Variants in MARCHF11 observed in about 807,000 individuals in gnomAD.
MARCHF11 encodes E3 ubiquitin-protein ligase MARCHF11.
In MARCHF11, 29 loss-of-function variants were observed where a neutral mutation model predicts 37.3. The observed-to-expected ratio is 0.78, with a 90% CI of 0.58 to 1.06. The LOEUF (loss-of-function observed/expected upper bound fraction) is 1.06. MARCHF11 is among the 50% of genes least tolerant of loss of function. MARCHF11 has a pLI of 0.00. For synonymous variants in MARCHF11, 233 were observed against 228.0 expected, an observed-to-expected ratio of 1.02 and a Z score of -0.20; for missense variants, 482 against 533.4, an observed-to-expected ratio of 0.90 and a Z score of 0.95.
Position 16,179,320 on chromosome 5 carries a change from GC to G in MARCHF11, c.255del (p.Leu87CysfsTer97). On this transcript the variant is annotated frameshift_variant, in exon 1 of 4. Coordinates refer to ENST00000332432, the MANE Select transcript of MARCHF11 (RefSeq NM_001102562.3). LOFTEE classifies it high-confidence loss of function. ...RCRGADELPPPPLPLQPAGQE... is the reference protein window; with the variant it reads ...RCRGADELPPXPLPLQPAGQE... ...TGGCCGGCGGGCTGCAGGGGCAGGG[GC>G]GGAGGCGGCAGCTCGTCCGCTCCCC... 8.1e-7 allele frequency: 1 copy of G among 1,238,302 alleles called. No homozygotes were observed. The highest frequency in any genetic ancestry group is 1.0e-6 in the Non-Finnish European group (1 of 991,256). 76.7% of individuals were successfully genotyped at this position (1,238,302 alleles called of 1,614,324 possible). A position where few individuals can be genotyped will look rare whatever the true frequency, so the allele number is the denominator to read the frequency against.
chr5:16,139,895 T>C (rs1737673365), intron 2 of MARCHF11, among the ~76,000 whole-genome samples: 1 of 152,146 alleles, frequency 6.6e-6, no homozygotes, highest in Admixed American at 6.5e-5. Context: ...CTCTACAAAT[T>C]TTTATGGGAT....
chr5:16,126,249 TAGAA>T (rs1236851452), intron 2 of MARCHF11, among the ~76,000 whole-genome samples: 2 of 152,160 alleles, frequency 1.3e-5, no homozygotes, highest in Admixed American at 1.3e-4. Context: ...TCATCTGACA[TAGAA>T]AGAAAGGAAA....
At chr5:16,078,324 G>A (rs374538174) in intron 3 of MARCHF11, among the ~76,000 whole-genome samples, 2 of 152,270 alleles carry the variant, frequency 1.3e-5, no homozygotes, top group African/African-American at 4.8e-5. Context: ...AATTAAGTGG[G>A]AAAATCGAGG....
At chr5:16,093,309 G>A (rs1560972518) in intron 2 of MARCHF11, among the ~76,000 whole-genome samples, 1 of 152,102 alleles carries the variant, frequency 6.6e-6, no homozygotes, top group Admixed American at 6.5e-5. Context: ...TAATCTTAGG[G>A]GAGTAAATTT....
At chr5:16,103,111 G>A (rs1024923060) in intron 2 of MARCHF11, among the ~76,000 whole-genome samples, 68 of 135,636 alleles carry the variant, frequency 5.0e-4, no homozygotes, top group South Asian at 1.4e-3. Context: ...TGCCCAGGCA[G>A]AAAAAAAAAA....
At chr5:16,077,180 G>T (rs113003185) in intron 3 of MARCHF11, among the ~76,000 whole-genome samples, 39 of 152,168 alleles carry the variant, frequency 2.6e-4, no homozygotes, top group African/African-American at 8.7e-4. Context: ...GAATTGCTTT[G>T]GTAGATTTCC....
intron 2 of MARCHF11, among the ~76,000 whole-genome samples, chr5:16,128,180 A>G (rs1737448979): frequency 6.6e-6 from 1 of 152,140 alleles, no homozygotes; most frequent in Non-Finnish European, 1.5e-5. Context: ...GAAATTTCAC[A>G]ACACAAGGTA....
chr5:16,156,828 T>C lies in MARCHF11; in HGVS notation c.693+20898A>G, dbSNP rs530930108. Among the ~76,000 whole-genome samples, 12 of 152,032 alleles carry C rather than the reference T, an allele frequency of 7.9e-5. No homozygotes were observed. In the South Asian group the frequency reaches 2.3e-3, roughly 29 times the overall value. On this transcript the variant is annotated intron_variant, in intron 2 of 3. Transcript: ENST00000332432. Reference sequence around the variant, plus strand: ...ACTACAAGCCTATACAATATATTACTGTACTGAATACTGTAGGCAATGGAA... The same window carrying C: ...ACTACAAGCCTATACAATATATTACCGTACTGAATACTGTAGGCAATGGAA...
chr5:16,126,020 T>G (rs1737400572), intron 2 of MARCHF11, among the ~76,000 whole-genome samples: 1 of 152,202 alleles, frequency 6.6e-6, no homozygotes, highest in Non-Finnish European at 1.5e-5. Flanking sequence ...TTCGAATAAG[T>G]GTTCACTGTA....
chr5:16,119,268 C>A (rs1259011184), intron 2 of MARCHF11, among the ~76,000 whole-genome samples: 1 of 151,636 alleles, frequency 6.6e-6, no homozygotes, highest in African/African-American at 2.4e-5. Flanking sequence ...GAGGCTGAGG[C>A]AAGAGAGCAC....
chr5:16,140,764 T>G (rs771755802), intron 2 of MARCHF11, among the ~76,000 whole-genome samples: 15 of 152,208 alleles, frequency 9.9e-5, no homozygotes, highest in Admixed American at 5.9e-4. Flanking sequence ...TATGTCCATA[T>G]AATTATTCAT....
chr5:16,111,444 C>A (rs1357182433), intron 2 of MARCHF11, among the ~76,000 whole-genome samples: 1 of 152,130 alleles, frequency 6.6e-6, no homozygotes, highest in East Asian at 1.9e-4. Flanking sequence ...AGACTGGTAG[C>A]ATTTTCCTGC....
At chr5:16,073,106 G>A (rs76728391) in intron 3 of MARCHF11, among the ~76,000 whole-genome samples, 4,120 of 152,282 alleles carry the variant, frequency 0.027, 168 homozygotes, top group African/African-American at 0.093. Context: ...ATTCTGAGAA[G>A]TGAGTGTGCA....
intron 2 of MARCHF11, among the ~76,000 whole-genome samples, chr5:16,164,151 T>G (rs573313721): frequency 6.6e-6 from 1 of 152,172 alleles, no homozygotes; most frequent in Non-Finnish European, 1.5e-5. Context: ...ACAAACAAAC[T>G]ATGACATAGA....
At chr5:16,102,688 A>G (rs113969989) in intron 2 of MARCHF11, among the ~76,000 whole-genome samples, 1 of 152,088 alleles carries the variant, frequency 6.6e-6, no homozygotes, top group Admixed American at 6.5e-5. Context: ...CATTCACCAT[A>G]TTTCAAGTCT....
Position 16,162,308 on chromosome 5 carries a change from A to G in MARCHF11, c.693+15418T>C, listed in dbSNP as rs1344183673. Among the ~76,000 whole-genome samples, 4 of 151,830 alleles carry G rather than the reference A, an allele frequency of 2.6e-5. No individual in the cohort carries two copies. In the East Asian group the frequency reaches 5.8e-4, roughly 22 times the overall value. ...GATATAAAATAGATTGAGAAAACTG[A>G]GCCTTTATCAAGGCTTTTTACATAT... On this transcript the variant is annotated intron_variant, in intron 2 of 3. Transcript: ENST00000332432.
At chr5:16,159,143 T>G (rs1050728274) in intron 2 of MARCHF11, among the ~76,000 whole-genome samples, 28 of 151,868 alleles carry the variant, frequency 1.8e-4, no homozygotes, top group Non-Finnish European at 3.1e-4. Context: ...TTGACAAACT[T>G]CTCATACTCA....
chr5:16,104,563 G>A (rs780040108), intron 2 of MARCHF11, among the ~76,000 whole-genome samples: 2 of 151,940 alleles, frequency 1.3e-5, no homozygotes, highest in South Asian at 2.1e-4. Flanking sequence ...TTATTTGTCC[G>A]GTTGGTGTGT....
At chr5:16,178,545 A>G (rs968991610) in intron 1 of MARCHF11, among the ~76,000 whole-genome samples, 1 of 152,122 alleles carries the variant, frequency 6.6e-6, no homozygotes, top group African/African-American at 2.4e-5. Flanking sequence ...GTCCATTCCT[A>G]TTTCTCTTGT....
Sources: allele counts gnomAD v4.1 joint callset (sites outside exome capture counted in the v4.1 genomes callset), GRCh38; gene constraint gnomAD v4.1.1; transcripts MANE v1.5; gene names NCBI Gene and HGNC (gene_info 2026-07-23, HGNC 2026-07-21).